The following NDUFAF2 variants were observed in gnomAD, a reference collection of about 807,000 sequenced individuals.
NDUFAF2 encodes the protein NADH:ubiquinone oxidoreductase complex assembly factor 2, also known as NADH dehydrogenase [ubiquinone] 1 alpha subcomplex assembly factor 2.
NDUFAF2 carries 13 observed loss-of-function variants against 22.8 expected under a neutral mutation model. The ratio of observed to expected loss-of-function variants is 0.57; its 90% CI spans 0.37 to 0.91. The LOEUF is 0.91. NDUFAF2 is among the 40% of genes least tolerant of loss of function. The pLI is 0.01. For missense variants in NDUFAF2, 162 were observed against 195.2 expected (o/e 0.83, Z 1.01); for synonymous variants, 53 against 64.2 (o/e 0.83, Z 0.84).
intron 1 of NDUFAF2, among the ~76,000 whole-genome samples, chr5:61,053,742 A>C (rs1031766821): frequency 2.6e-5 from 4 of 152,212 alleles, no homozygotes; most frequent in Non-Finnish European, 4.4e-5. Context: ...CTAAAGAAAC[A>C]ATAAAGAATA....
At chr5:61,078,127 T>C (rs1459020882) in intron 2 of NDUFAF2, among the ~76,000 whole-genome samples, 1 of 152,196 alleles carries the variant, frequency 6.6e-6, no homozygotes, top group Non-Finnish European at 1.5e-5. Context: ...TATCTCACTT[T>C]GGACCTCCTC....
intron 2 of NDUFAF2, among the ~76,000 whole-genome samples, chr5:61,073,730 T>A (rs972898790): frequency 9.2e-5 from 14 of 152,206 alleles, no homozygotes; most frequent in Non-Finnish European, 1.2e-4. Flanking sequence ...ATCCCTTTCC[T>A]AAGACTTTGA....
chr5:61,130,328 C>T (rs1753093270), intron 3 of NDUFAF2, among the ~76,000 whole-genome samples: 1 of 152,110 alleles, frequency 6.6e-6, no homozygotes. Context: ...CATCACAAGA[C>T]TCTTCCTAAA....
At chr5:61,112,620 CTTTTA>C in intron 3 of NDUFAF2, among the ~76,000 whole-genome samples, 1 of 152,210 alleles carries the variant, frequency 6.6e-6, no homozygotes, top group South Asian at 2.1e-4. Flanking sequence ...TTTTTCCATC[CTTTTA>C]TTTTCAGGCT....
chr5:61,030,974 T>A (rs1318049509), intron 1 of NDUFAF2, among the ~76,000 whole-genome samples: 1 of 152,152 alleles, frequency 6.6e-6, no homozygotes, highest in Non-Finnish European at 1.5e-5. Context: ...CTTTCTATTT[T>A]GTTAACTTTT....
At chr5:61,088,920 G>C (rs144862272) in intron 2 of NDUFAF2, among the ~76,000 whole-genome samples, 18 of 152,116 alleles carry the variant, frequency 1.2e-4, no homozygotes, top group Non-Finnish European at 1.9e-4. Flanking sequence ...GCAGACTATT[G>C]ATAACCTTTC....
intron 1 of NDUFAF2, among the ~76,000 whole-genome samples, chr5:61,060,546 C>G (rs981439343): frequency 6.6e-6 from 1 of 152,130 alleles, no homozygotes; most frequent in East Asian, 1.9e-4. Flanking sequence ...AGACATCAGT[C>G]AGACTATAAG....
chr5:60,999,196 A>G (rs1353281462), intron 1 of NDUFAF2, among the ~76,000 whole-genome samples: 15 of 152,026 alleles, frequency 9.9e-5, no homozygotes, highest in Non-Finnish European at 7.4e-5. Context: ...TTGAATTACC[A>G]TGGGAACTAG....
chr5:61,062,046 T>C (rs374616985), intron 1 of NDUFAF2, among the ~76,000 whole-genome samples: 2 of 152,144 alleles, frequency 1.3e-5, no homozygotes, highest in Non-Finnish European at 2.9e-5. Context: ...CTTGGTACCA[T>C]CTACATGTGA....
chr5:61,100,386 A>G (rs947012484), intron 3 of NDUFAF2, among the ~76,000 whole-genome samples: 2 of 152,064 alleles, frequency 1.3e-5, no homozygotes, highest in African/African-American at 4.8e-5. Context: ...CAGCACCTCA[A>G]ACAATCTCTA....
At chr5:61,033,984 C>G (rs770061108) in intron 1 of NDUFAF2, among the ~76,000 whole-genome samples, 9 of 152,082 alleles carry the variant, frequency 5.9e-5, no homozygotes, top group Non-Finnish European at 8.8e-5. Flanking sequence ...TTCTGATCAT[C>G]AAGGAGAAAA....
At chr5:61,132,424 T>C (rs948171256) in intron 3 of NDUFAF2, among the ~76,000 whole-genome samples, 2 of 152,156 alleles carry the variant, frequency 1.3e-5, no homozygotes, top group Non-Finnish European at 2.9e-5. Context: ...TTGAGAATTC[T>C]CACCTCAATT....
intron 3 of NDUFAF2, among the ~76,000 whole-genome samples, chr5:61,119,894 A>G (rs993365823): frequency 3.3e-5 from 5 of 152,194 alleles, no homozygotes; most frequent in African/African-American, 2.4e-5. Flanking sequence ...AAAATTTAAT[A>G]TAACAGTACA....
At chr5:61,136,795 A>G (rs187667683) in intron 3 of NDUFAF2, among the ~76,000 whole-genome samples, 2 of 152,330 alleles carry the variant, frequency 1.3e-5, no homozygotes, top group East Asian at 3.9e-4. Flanking sequence ...AACACATCAC[A>G]GAGTTGTTCC....
intron 3 of NDUFAF2, among the ~76,000 whole-genome samples, chr5:61,110,438 C>T (rs1166779971): frequency 6.6e-6 from 1 of 152,032 alleles, no homozygotes; most frequent in African/African-American, 2.4e-5. Flanking sequence ...TAAAGTTCAG[C>T]AGGGAAGCCA....
At chr5:60,982,199 C>T (rs578137684) in intron 1 of NDUFAF2, among the ~76,000 whole-genome samples, 37 of 152,226 alleles carry the variant, frequency 2.4e-4, no homozygotes, top group African/African-American at 8.7e-4. Flanking sequence ...AGTCTGTTCT[C>T]ATGCTGCTGA....
At chr5:61,145,479 C>T (rs772055699) in intron 3 of NDUFAF2, among the ~76,000 whole-genome samples, 4 of 152,044 alleles carry the variant, frequency 2.6e-5, no homozygotes, top group African/African-American at 9.7e-5. Flanking sequence ...AGCTCAAATT[C>T]GAAATCCAGA....
chr5:61,072,344 G>A (rs540665575), intron 1 of NDUFAF2, among the ~76,000 whole-genome samples: 1 of 152,176 alleles, frequency 6.6e-6, no homozygotes, highest in East Asian at 1.9e-4. Flanking sequence ...GCTCCCTTGG[G>A]TTTGCCAGTG....
intron 2 of NDUFAF2, among the ~76,000 whole-genome samples, chr5:61,098,425 C>T (rs1270922582): frequency 6.6e-6 from 1 of 152,226 alleles, no homozygotes; most frequent in African/African-American, 2.4e-5. Context: ...GCACAGTACC[C>T]AGGCCCCAGC....
Sources: allele counts gnomAD v4.1 joint callset (sites outside exome capture counted in the v4.1 genomes callset), GRCh38; gene constraint gnomAD v4.1.1; transcripts MANE v1.5; gene names NCBI Gene and HGNC (gene_info 2026-07-23, HGNC 2026-07-21).